The following GDPD5 variants were observed in gnomAD, a reference collection of about 807,000 sequenced individuals.
The protein encoded by GDPD5 is glycerophosphodiester phosphodiesterase 2.
A neutral mutation model predicts 75.1 loss-of-function variants in GDPD5; 48 were observed. The ratio of observed to expected loss-of-function variants is 0.64; its 90% CI spans 0.51 to 0.81. The LOEUF (loss-of-function observed/expected upper bound fraction) is 0.81, where lower values mean the gene tolerates loss of function less well. Ranked by LOEUF, GDPD5 falls within the 40% of genes least tolerant of loss-of-function variation. The probability of loss-of-function intolerance (pLI) is 0.00; values close to 1 mark genes in which losing one functional copy is unlikely to be tolerated. For missense variants in GDPD5, 706 were observed against 822.6 expected (o/e 0.86, Z 1.73); for synonymous variants, 336 against 339.0 (o/e 0.99, Z 0.10).
chr11:75,459,708 G>A (rs1027039040), intron 4 of GDPD5, among the ~76,000 whole-genome samples: 3 of 151,814 alleles, frequency 2.0e-5, no homozygotes, highest in African/African-American at 7.3e-5. Flanking sequence ...TACTTGGGAG[G>A]CTGAGGCAGG....
At chr11:75,454,067 A>G (rs1293700173) in intron 6 of GDPD5, among the ~76,000 whole-genome samples, 2 of 152,232 alleles carry the variant, frequency 1.3e-5, no homozygotes, top group Non-Finnish European at 2.9e-5. Flanking sequence ...TAAAAACGCA[A>G]TGAGCAAAGT....
chr11:75,508,540 G>A (rs1034993120), intron 1 of GDPD5: 1 of 152,276 alleles, frequency 6.6e-6, no homozygotes, highest in Non-Finnish European at 1.5e-5. Context: ...GAAGCCAGGT[G>A]TGTTCCTGCT....
intron 3 of GDPD5, among the ~76,000 whole-genome samples, chr11:75,468,436 T>A (rs1243529028): frequency 6.6e-6 from 1 of 152,122 alleles, no homozygotes; most frequent in African/African-American, 2.4e-5. Context: ...AATTCTTCCT[T>A]CCAAGACATG....
chr11:75,444,492 C>T lies in GDPD5; in HGVS notation c.718G>A (p.Ala240Thr). ...AAGGACATGAGCGTGTGCTCTGGAGCCAGCTGGGGAAGAAGGGGTGGTGAA... is the reference window on the plus strand; with the variant it reads ...AAGGACATGAGCGTGTGCTCTGGAGTCAGCTGGGGAAGAAGGGGTGGTGAA... ...LIGHRGAPMLAPEHTLMSFRK... is the reference protein window; with the variant it reads ...LIGHRGAPMLTPEHTLMSFRK... Residue 240 changes from alanine to threonine, a missense_variant, in exon 10 of 17, where the codon GCT becomes ACT. Physicochemically the swap from Ala to Thr is moderately conservative, Grantham distance 58. Transcript: ENST00000336898. The T allele has an allele frequency of 6.2e-7, 1 of 1,612,892 alleles. No homozygotes were observed.
Position 75,477,720 on chromosome 11 carries a change from G to T in GDPD5, c.16C>A (p.Pro6Thr). MVRHQ[P>T]LQYYEPQLCL... ...AGCTGTGGCTCGTAGTACTGCAGGG[G>T]CTGGTGTCTCACCATACTCGTGCCC... The change falls in exon 3 of 17, where the codon CCC (proline) becomes ACC (threonine). Residue 6 changes from proline to threonine, a missense_variant. By Grantham distance (38) the Pro-to-Thr change is conservative (BLOSUM62 -1). Transcript: ENST00000336898. The T allele has an allele frequency of 6.3e-7, 1 of 1,584,976 alleles. No homozygotes were observed. The highest frequency in any genetic ancestry group is 2.3e-5 in the East Asian group (1 of 43,916).
intron 2 of GDPD5, among the ~76,000 whole-genome samples, chr11:75,483,328 G>T (rs1949958421): frequency 6.6e-6 from 1 of 152,192 alleles, no homozygotes; most frequent in South Asian, 2.1e-4. Flanking sequence ...ACAGGGAAAA[G>T]CAAGAGTCCA....
intron 1 of GDPD5, among the ~76,000 whole-genome samples, chr11:75,503,151 C>T (rs191448787): frequency 3.9e-5 from 6 of 152,344 alleles, no homozygotes; most frequent in Admixed American, 3.3e-4. Context: ...TCCTGTGTAG[C>T]TGGGATTACA....
Position 75,434,853 on chromosome 11 carries a change from A to G in GDPD5, c.*654T>C, listed in dbSNP as rs61897370. On this transcript the variant is annotated 3_prime_UTR_variant, in exon 17 of 17. Transcript: ENST00000336898. ...CTTGAGGTCTGCTGGACACCTGGGC[A>G]TGGGATCCAGTAGTCCTGAGCTCAC... 8.0e-3 allele frequency: 1,216 copies of G among 152,576 alleles called. 8 individuals are homozygous for G. Among genetic ancestry groups the G allele is most frequent in the Middle Eastern group, 0.027 (8 of 294 alleles). 9.5% of individuals were successfully genotyped at this position (152,576 alleles called of 1,614,324 possible).
At chr11:75,505,733 A>C (rs936222499) in intron 1 of GDPD5, among the ~76,000 whole-genome samples, 90 of 152,270 alleles carry the variant, frequency 5.9e-4, no homozygotes, top group African/African-American at 2.0e-3. Flanking sequence ...GATTTGGTTT[A>C]ATTCAAACTT....
At chr11:75,463,249 C>G (rs1250458714) in intron 3 of GDPD5, among the ~76,000 whole-genome samples, 2 of 152,222 alleles carry the variant, frequency 1.3e-5, no homozygotes, top group Non-Finnish European at 2.9e-5. Context: ...ACATCCCTCA[C>G]ACACATGCCT....
intron 1 of GDPD5, chr11:75,490,847 C>T (rs1465304816): frequency 6.6e-6 from 1 of 152,428 alleles, no homozygotes; most frequent in Non-Finnish European, 1.5e-5. Flanking sequence ...ATTGCCAGCT[C>T]CTGCAGCCAG....
chr11:75,518,023 G>A (rs890517476), intron 1 of GDPD5, among the ~76,000 whole-genome samples: 1 of 152,232 alleles, frequency 6.6e-6, no homozygotes, highest in Admixed American at 6.5e-5. Context: ...GGGACAGTGG[G>A]AAGGGCCCCC....
At chr11:75,466,924 C>G (rs563412875) in intron 3 of GDPD5, among the ~76,000 whole-genome samples, 1 of 152,226 alleles carries the variant, frequency 6.6e-6, no homozygotes, top group African/African-American at 2.4e-5. Context: ...TGGGAGGCAG[C>G]CTGAACAGCT....
intron 6 of GDPD5, chr11:75,452,113 T>C (rs1475951317): frequency 6.6e-6 from 1 of 152,268 alleles, no homozygotes. Flanking sequence ...GAGTCTGGCC[T>C]AGGTGCCGGG....
chr11:75,477,281 T>C (rs1018931048), intron 3 of GDPD5, among the ~76,000 whole-genome samples: 3 of 152,212 alleles, frequency 2.0e-5, no homozygotes, highest in Non-Finnish European at 4.4e-5. Flanking sequence ...CTCCAGCACC[T>C]GCCTGTTTGC....
intron 3 of GDPD5, among the ~76,000 whole-genome samples, chr11:75,474,289 A>G (rs1266922672): frequency 6.6e-6 from 1 of 152,206 alleles, no homozygotes; most frequent in Non-Finnish European, 1.5e-5. Context: ...TCTGACCTAT[A>G]TCCCTCTCTA....
chr11:75,440,032 C>CTTTGGTCCACGGACCCTCA, intron 14 of GDPD5, 71 bp from the exon 15 acceptor site: 1 of 1,248,072 alleles, frequency 8.0e-7, no homozygotes, highest in Non-Finnish European at 1.2e-6. Flanking sequence ...ACTGAGGGTC[C>CTTTGGTCCACGGACCCTCA]GTGGACCAAA....
chr11:75,468,514 C>T (rs148053191), intron 3 of GDPD5, among the ~76,000 whole-genome samples: 28 of 152,332 alleles, frequency 1.8e-4, no homozygotes, highest in African/African-American at 5.5e-4. Flanking sequence ...AGACTGGCCA[C>T]GACTGAGTGA....
intron 1 of GDPD5, among the ~76,000 whole-genome samples, chr11:75,501,786 C>A (rs1002840944): frequency 1.1e-4 from 17 of 152,246 alleles, no homozygotes; most frequent in African/African-American, 4.1e-4. Flanking sequence ...TCCTCCAGAC[C>A]CCTCTGCCAA....
Sources: allele counts gnomAD v4.1 joint callset (sites outside exome capture counted in the v4.1 genomes callset), GRCh38; gene constraint gnomAD v4.1.1; transcripts MANE v1.5; gene names NCBI Gene and HGNC (gene_info 2026-07-23, HGNC 2026-07-21).